MACROD2: variants seen among roughly 807,000 people sequenced by gnomAD.
The protein encoded by MACROD2 is ADP-ribose glycohydrolase MACROD2.
A neutral mutation model predicts 70.4 loss-of-function variants in MACROD2; 36 were observed. The observed-to-expected ratio is 0.51, with a 90% CI of 0.39 to 0.68. The LOEUF (loss-of-function observed/expected upper bound fraction) is 0.68, where lower values mean the gene tolerates loss of function less well. Ranked by LOEUF, MACROD2 falls within the 30% of genes least tolerant of loss-of-function variation. MACROD2 has a pLI of 0.00. For missense variants in MACROD2, 496 were observed against 538.4 expected (o/e 0.92, Z 0.78); for synonymous variants, 172 against 178.8 (o/e 0.96, Z 0.30).
chr20:15,076,018 T>C (rs1335648619), intron 5 of MACROD2, among the ~76,000 whole-genome samples: 2 of 152,198 alleles, frequency 1.3e-5, no homozygotes, highest in Non-Finnish European at 2.9e-5. Context: ...CTATCAAAAC[T>C]TCATAAAAGG....
In MACROD2 at chr20:13,995,518, C is replaced by T. The variant is rs2052622531; in HGVS notation, c.-246C>T. On this transcript the variant is annotated 5_prime_UTR_variant, in exon 1 of 18. Transcript: ENST00000684519. This position sits in a 1 kb window ranked among gnomAD's most constrained non-coding sequence, Gnocchi z 4.3. ...TTAGCGCGAGGCGTGACCTAGTTGA[C>T]AGGCTCTGAGGTGCTGCTGTGGCGG... The T allele has an allele frequency of 3.4e-6, 2 of 580,338 alleles. No individual in the cohort carries two copies. The highest frequency in any genetic ancestry group is 3.0e-5 in the East Asian group (1 of 33,184). 35.9% of individuals were successfully genotyped at this position (580,338 alleles called of 1,614,324 possible).
intron 6 of MACROD2, among the ~76,000 whole-genome samples, chr20:15,334,495 T>C (rs2078027042): frequency 6.6e-6 from 1 of 151,636 alleles, no homozygotes. Flanking sequence ...TTTATCTTCT[T>C]GGATCAATTT....
chr20:14,639,476 T>G (rs1984974157), intron 4 of MACROD2, among the ~76,000 whole-genome samples: 1 of 152,204 alleles, frequency 6.6e-6, no homozygotes, highest in South Asian at 2.1e-4. Flanking sequence ...TTAATAATCT[T>G]TCTGTTAATC....
intron 5 of MACROD2, among the ~76,000 whole-genome samples, chr20:14,724,796 C>T (rs904259802): frequency 1.3e-5 from 2 of 152,048 alleles, no homozygotes; most frequent in Non-Finnish European, 2.9e-5. Context: ...TCCTGTAAGC[C>T]AAGAAAGGAG....
chr20:15,014,974 G>T (rs1243997377), intron 5 of MACROD2, among the ~76,000 whole-genome samples: 1 of 151,992 alleles, frequency 6.6e-6, no homozygotes, highest in East Asian at 1.9e-4. Flanking sequence ...TCAAAAGCGA[G>T]ACCAGCACCT....
intron 15 of MACROD2, among the ~76,000 whole-genome samples, chr20:15,999,745 A>T (rs1019678915): frequency 6.6e-6 from 1 of 152,132 alleles, no homozygotes; most frequent in African/African-American, 2.4e-5. Flanking sequence ...TCTTGTGACT[A>T]TTTTTTAGTT....
intron 3 of MACROD2, among the ~76,000 whole-genome samples, chr20:14,093,644 G>A (rs994103051): frequency 1.1e-4 from 16 of 148,348 alleles, no homozygotes; most frequent in Non-Finnish European, 1.9e-4. Context: ...TGCCTAAATA[G>A]AGGAGTAAGA....
chr20:15,981,429 G>A (rs1184273775), intron 13 of MACROD2, among the ~76,000 whole-genome samples: 1 of 152,076 alleles, frequency 6.6e-6, no homozygotes, highest in Non-Finnish European at 1.5e-5. Flanking sequence ...TGCAATAATT[G>A]AGACTTTTAG....
intron 8 of MACROD2, among the ~76,000 whole-genome samples, chr20:15,509,230 A>C (rs1323823510): frequency 2.0e-5 from 3 of 152,198 alleles, no homozygotes; most frequent in Non-Finnish European, 4.4e-5. Flanking sequence ...TATTCCCTTC[A>C]TACTGGAGGA....
intron 5 of MACROD2, among the ~76,000 whole-genome samples, chr20:15,207,643 G>T (rs1225791381): frequency 6.6e-6 from 1 of 151,328 alleles, no homozygotes; most frequent in Non-Finnish European, 1.5e-5. Flanking sequence ...GGGTTTCACC[G>T]TGTTAGCCAG....
chr20:14,191,281 T>A (rs2081386127), intron 3 of MACROD2, among the ~76,000 whole-genome samples: 1 of 152,150 alleles, frequency 6.6e-6, no homozygotes, highest in South Asian at 2.1e-4. Flanking sequence ...TCCCTAAGCA[T>A]GTGAGCCTTA....
intron 5 of MACROD2, among the ~76,000 whole-genome samples, chr20:15,006,030 T>C (rs1226407483): frequency 2.6e-5 from 4 of 152,094 alleles, no homozygotes; most frequent in Non-Finnish European, 1.5e-5. Context: ...ATAAACACAA[T>C]AGTTGCATTC....
chr20:14,918,108 G>A (rs2074115770), intron 5 of MACROD2, among the ~76,000 whole-genome samples: 1 of 152,010 alleles, frequency 6.6e-6, no homozygotes. Flanking sequence ...CGAGTAGGTG[G>A]AACTACAGGC....
intron 8 of MACROD2, among the ~76,000 whole-genome samples, chr20:15,518,369 G>T (rs2146524790): frequency 6.6e-6 from 1 of 152,346 alleles, no homozygotes; most frequent in South Asian, 2.1e-4. Context: ...TTTTGTAGCA[G>T]CAGAGCCAAT....
intron 5 of MACROD2, among the ~76,000 whole-genome samples, chr20:15,117,048 T>C (rs1568582567): frequency 6.6e-6 from 1 of 152,220 alleles, no homozygotes; most frequent in Non-Finnish European, 1.5e-5. Context: ...TTTTTCACTG[T>C]AGTCCTAAGA....
Position 15,248,652 on chromosome 20 carries a change from A to G in MACROD2, c.540+18591A>G, listed in dbSNP as rs1239831791. On this transcript the variant is annotated intron_variant, in intron 6 of 17. Transcript: ENST00000684519. ...GGTGGAAAATTCCATTGCATGCCCC[A>G]GAGTCCGCTCAGTCTCAGTGTATCT... 2.0e-5 allele frequency among the ~76,000 whole-genome samples: 3 copies of G among 152,138 alleles called. No individual in the cohort carries two copies. The East Asian group carries it at 5.8e-4, about 29-fold the overall frequency.
At chr20:14,318,961 A>G (rs1368084766) in intron 3 of MACROD2, among the ~76,000 whole-genome samples, 6 of 152,128 alleles carry the variant, frequency 3.9e-5, no homozygotes, top group African/African-American at 1.2e-4. Context: ...TGTTTCCTCC[A>G]TCTCTAGAAA....
rs11904971 is a variant in MACROD2 at position 14,624,162 on chromosome 20, G to T, written c.302-60681G>T. On this transcript the variant is annotated intron_variant, in intron 4 of 17. Coordinates refer to ENST00000684519, the MANE Select transcript of MACROD2 (RefSeq NM_001351661.2). ...CTAGAAGGCAGGAGGTAGACCTTAT[G>T]GGGATACAGGGGTCTTCTCCATCAG... 8.1e-3 allele frequency among the ~76,000 whole-genome samples: 1,235 copies of T among 152,260 alleles called. 18 individuals carry two copies. Among genetic ancestry groups the T allele is most frequent in the African/African-American group, 0.029 (1,197 of 41,544 alleles).
At chr20:15,173,209 T>A (rs1230627223) in intron 5 of MACROD2, among the ~76,000 whole-genome samples, 1 of 152,208 alleles carries the variant, frequency 6.6e-6, no homozygotes, top group African/African-American at 2.4e-5. Context: ...ATCTAATATA[T>A]AATTAATTTT....
Sources: gnomAD v4.1 joint callset for allele counts (sites outside exome capture counted in the v4.1 genomes callset) on GRCh38, gnomAD v4.1.1 for gene constraint, Gnocchi (gnomAD v3.1) non-coding constraint, MANE v1.5 for transcripts, NCBI Gene and HGNC (gene_info 2026-07-23, HGNC 2026-07-21) for gene names.